IYD: variants seen among roughly 807,000 people sequenced by gnomAD.
IYD encodes iodotyrosine deiodinase.
A neutral mutation model predicts 28.4 loss-of-function variants in IYD; 25 were observed. The ratio of observed to expected loss-of-function variants is 0.88; its 90% CI spans 0.64 to 1.23. The LOEUF (loss-of-function observed/expected upper bound fraction) is 1.23, where lower values mean the gene tolerates loss of function less well. IYD is among the 50% of genes most tolerant of loss of function. IYD has a pLI of 0.00. For synonymous variants in IYD, 140 were observed against 130.8 expected (o/e 1.07, Z -0.48); for missense variants, 352 against 357.9 (o/e 0.98, Z 0.13).
intron 1 of IYD, among the ~76,000 whole-genome samples, chr6:150,385,495 A>T (rs1004371615): frequency 3.0e-4 from 17 of 56,578 alleles, no homozygotes; most frequent in Middle Eastern, 8.9e-3. Context: ...AATGTGATAA[A>T]AAAAAAAAGA....
intron 1 of IYD, among the ~76,000 whole-genome samples, chr6:150,387,342 C>T (rs1351561766): frequency 1.3e-5 from 2 of 151,562 alleles, no homozygotes; most frequent in Non-Finnish European, 2.9e-5. Flanking sequence ...TGGAGGATCC[C>T]TTGAGGCCAG....
chr6:150,369,944 A>C, intron 1 of IYD: 2 of 701,976 alleles, frequency 2.8e-6, no homozygotes, highest in Non-Finnish European at 5.2e-6. Flanking sequence ...GAGGGTAAGA[A>C]TGGAAGTAGA....
chr6:150,392,984 C>T (rs1014085847), intron 3 of IYD, among the ~76,000 whole-genome samples: 2 of 152,002 alleles, frequency 1.3e-5, no homozygotes, highest in Admixed American at 6.6e-5. Context: ...ACAAATGCAG[C>T]CCTCGGGGTC....
rs1777371523 is a variant in IYD at position 150,374,373 on chromosome 6, ACT to A, written c.178+5165_178+5166del. On this transcript the variant is annotated intron_variant, in intron 1 of 4. Transcript: ENST00000344419. Reference sequence around the variant, plus strand: ...GTCTAACGTGGTCTAATGGCAATAAACTGGGGAAACTTAGTGTATTAGTCTGT... The same window carrying A: ...GTCTAACGTGGTCTAATGGCAATAAAGGGGAAACTTAGTGTATTAGTCTGT... Among the ~76,000 whole-genome samples the A allele has an allele frequency of 2.0e-5, 3 of 152,304 alleles. No homozygotes were observed. In the South Asian group the frequency reaches 6.2e-4, roughly 32 times the overall value.
chr6:150,381,566 A>T (rs1383363324), intron 1 of IYD, among the ~76,000 whole-genome samples: 1 of 152,228 alleles, frequency 6.6e-6, no homozygotes, highest in Non-Finnish European at 1.5e-5. Context: ...TAGGTTAAGA[A>T]ATATACACAT....
At chr6:150,385,202 C>G (rs1013625454) in intron 1 of IYD, 1 of 152,144 alleles carries the variant, frequency 6.6e-6, no homozygotes, top group Non-Finnish European at 1.5e-5. Context: ...ACTCCAAGGT[C>G]GTGAAGACAT....
intron 1 of IYD, among the ~76,000 whole-genome samples, chr6:150,373,333 T>C (rs971348785): frequency 5.3e-5 from 8 of 152,196 alleles, no homozygotes; most frequent in African/African-American, 1.9e-4. Context: ...CAATGACAAC[T>C]CATTTCAGAA....
chr6:150,390,910 A>C (rs981628359), intron 2 of IYD, among the ~76,000 whole-genome samples: 1 of 152,130 alleles, frequency 6.6e-6, no homozygotes, highest in Non-Finnish European at 1.5e-5. Flanking sequence ...GTAGAATGAC[A>C]CATGGCCGTG....
chr6:150,369,277 G>T, intron 1 of IYD, 68 bp downstream of exon 1: 1 of 1,490,904 alleles, frequency 6.7e-7, no homozygotes. Flanking sequence ...TGAGTCAATG[G>T]CAGGGCTTAT....
chr6:150,393,020 G>T (rs369201544), intron 3 of IYD, among the ~76,000 whole-genome samples: 1 of 152,150 alleles, frequency 6.6e-6, no homozygotes, highest in Non-Finnish European at 1.5e-5. Context: ...AGCACAGTCC[G>T]CGTGCTCTGT....
intron 1 of IYD, among the ~76,000 whole-genome samples, chr6:150,388,618 T>C (rs1777966243): frequency 6.7e-6 from 1 of 149,500 alleles, no homozygotes; most frequent in Admixed American, 6.7e-5. Flanking sequence ...AGATTTATAG[T>C]CTGGAGTTTT....
intron 1 of IYD, among the ~76,000 whole-genome samples, chr6:150,380,992 T>C (rs1309683611): frequency 6.6e-6 from 1 of 151,960 alleles, no homozygotes; most frequent in Non-Finnish European, 1.5e-5. Flanking sequence ...CACAGGAAAA[T>C]CGTCAGAGGT....
chr6:150,391,441 C>T (rs1047874031), intron 2 of IYD, among the ~76,000 whole-genome samples: 3 of 152,162 alleles, frequency 2.0e-5, no homozygotes, highest in African/African-American at 7.2e-5. Flanking sequence ...ATTACTAAAA[C>T]AAATGACAGT....
At chr6:150,369,818 G>T (rs1318068600) in intron 1 of IYD, among the ~76,000 whole-genome samples, 1 of 152,160 alleles carries the variant, frequency 6.6e-6, no homozygotes, top group Non-Finnish European at 1.5e-5. Context: ...GGATGAATAG[G>T]GTACAAATAG....
At chr6:150,370,149 C>G in intron 1 of IYD, 1 of 668,104 alleles carries the variant, frequency 1.5e-6, no homozygotes, top group South Asian at 1.7e-5. Context: ...CAGAGGCCAC[C>G]TGGACATGTG....
In IYD at chr6:150,385,352, T is replaced by A. The variant is rs184078696; in HGVS notation, c.179-4000T>A. ...TACCATAGCTGGATGTGGTGGGGTT[T>A]TTCCCCCCATAGTTAGACTATCAGA... On this transcript the variant is annotated intron_variant, in intron 1 of 4. Transcript: ENST00000344419. Among the ~76,000 whole-genome samples, 4 of 152,252 alleles carry A rather than the reference T, an allele frequency of 2.6e-5. No individual in the cohort carries two copies. In the East Asian group the frequency reaches 7.7e-4, roughly 29 times the overall value.
intron 1 of IYD, 138 bp downstream of exon 1, chr6:150,369,347 C>T: frequency 1.2e-6 from 1 of 800,908 alleles, no homozygotes; most frequent in Non-Finnish European, 2.1e-6. Context: ...GCTAATGAAT[C>T]AGTGCTTGGC....
rs1421995229 is a variant in IYD at position 150,389,399 on chromosome 6, T to G, written c.226T>G (p.Phe76Val). Residue 76 changes from phenylalanine to valine, a missense_variant, in exon 2 of 5, where the codon TTC (phenylalanine) becomes GTC (valine). Coordinates refer to ENST00000344419, the MANE Select transcript of IYD (RefSeq NM_203395.3). ...AGAAGAAAATGTTGAACACATCCCC[T>G]TCTCTCATAACCACTATCCTGAGAA... ...ESEENVEHIP[F>V]SHNHYPEKEM... The G allele has an allele frequency of 3.7e-6, 6 of 1,613,794 alleles. No homozygotes were observed. The highest frequency in any genetic ancestry group is 5.1e-6 in the Non-Finnish European group (6 of 1,179,820).
intron 2 of IYD, among the ~76,000 whole-genome samples, chr6:150,391,348 CT>C (rs1261435084): frequency 6.6e-6 from 1 of 152,158 alleles, no homozygotes; most frequent in East Asian, 1.9e-4. Flanking sequence ...GCTAAGTTGC[CT>C]TTTGAAGAGT....
Sources: gnomAD v4.1 joint callset for allele counts (sites outside exome capture counted in the v4.1 genomes callset) on GRCh38, gnomAD v4.1.1 for gene constraint, MANE v1.5 for transcripts, NCBI Gene and HGNC (gene_info 2026-07-23, HGNC 2026-07-21) for gene names.